The following RALGAPA2 variants were observed in gnomAD, a reference collection of about 807,000 sequenced individuals.
The protein encoded by RALGAPA2 is Ral GTPase activating protein catalytic subunit alpha 2.
RALGAPA2 carries 139 observed loss-of-function variants against 230.4 expected under a neutral mutation model. That is an observed-to-expected ratio of 0.60 (90% CI 0.53 to 0.69). RALGAPA2 has a LOEUF of 0.69. Ranked by LOEUF, RALGAPA2 falls within the 30% of genes least tolerant of loss-of-function variation. The pLI, the probability that RALGAPA2 is intolerant of heterozygous loss-of-function variation, is 0.00. For missense variants in RALGAPA2, 2,163 were observed against 2,276.0 expected (o/e 0.95, Z 1.01); for synonymous variants, 847 against 837.8 (o/e 1.01, Z -0.19).
At chr20:20,635,199 T>G (rs1456249311) in intron 9 of RALGAPA2, among the ~76,000 whole-genome samples, 6 of 152,148 alleles carry the variant, frequency 3.9e-5, no homozygotes, top group Non-Finnish European at 8.8e-5. Context: ...CTCCCGAGAT[T>G]GCATCATCAT....
At chr20:20,647,091 T>C (rs541904099) in intron 4 of RALGAPA2, among the ~76,000 whole-genome samples, 124 of 152,316 alleles carry the variant, frequency 8.1e-4, no homozygotes, top group South Asian at 1.9e-3. Context: ...TCATTTTAGA[T>C]TGTAAGAATT....
Position 20,640,757 on chromosome 20 carries a change from G to C in RALGAPA2, c.494C>G (p.Ser165Cys). ...TGTCTCCAGTGTGCAAGGGCCCCTGGATGACATGACTGCTGGGAAACCAGG... is the reference window on the plus strand; with the variant it reads ...TGTCTCCAGTGTGCAAGGGCCCCTGCATGACATGACTGCTGGGAAACCAGG... ...LVPGFPAVMS[S>C]RGPCTLETLI... Residue 165 changes from serine (S) to cysteine (C), a missense_variant, in exon 6 of 40, where the codon TCC (serine) becomes TGC (cysteine). Coordinates refer to ENST00000202677, the MANE Select transcript of RALGAPA2 (RefSeq NM_020343.4). 6.2e-7 allele frequency: 1 copy of C among 1,613,964 alleles called. No individual in the cohort carries two copies. Among genetic ancestry groups the C allele is most frequent in the Non-Finnish European group, 8.5e-7 (1 of 1,179,854 alleles).
intron 35 of RALGAPA2, 37 bp from the exon 36 acceptor site, chr20:20,495,312 A>G: frequency 1.4e-6 from 2 of 1,457,102 alleles, no homozygotes; most frequent in Non-Finnish European, 1.8e-6. Context: ...AATCAGGGTG[A>G]TAACAGCAGT....
chr20:20,459,363 T>C (rs527438179), intron 37 of RALGAPA2, among the ~76,000 whole-genome samples: 2 of 152,266 alleles, frequency 1.3e-5, no homozygotes, highest in East Asian at 1.9e-4. Context: ...GCAGAACTTG[T>C]ACATACTTTA....
At chr20:20,641,931 C>T (rs2067043200) in intron 5 of RALGAPA2, among the ~76,000 whole-genome samples, 1 of 151,600 alleles carries the variant, frequency 6.6e-6, no homozygotes. Context: ...AGGACAGACA[C>T]CCCAGCTGGT....
intron 23 of RALGAPA2, among the ~76,000 whole-genome samples, chr20:20,547,418 G>A (rs1032151547): frequency 6.6e-6 from 1 of 152,214 alleles, no homozygotes; most frequent in African/African-American, 2.4e-5. Context: ...TGCAACAGTA[G>A]CCTTTTGCAC....
intron 1 of RALGAPA2, among the ~76,000 whole-genome samples, chr20:20,681,657 C>T (rs772124111): frequency 1.3e-5 from 2 of 152,148 alleles, no homozygotes; most frequent in Non-Finnish European, 2.9e-5. Flanking sequence ...AAGGAGTTGG[C>T]ACTTTGGGAG....
intron 27 of RALGAPA2, among the ~76,000 whole-genome samples, chr20:20,527,473 C>T (rs2063241245): frequency 1.3e-5 from 2 of 152,142 alleles, no homozygotes; most frequent in Non-Finnish European, 2.9e-5. Context: ...ATGGCCTTTG[C>T]ACCTGCTCCT....
chr20:20,658,224 CACA>C (rs1415855655), intron 3 of RALGAPA2, among the ~76,000 whole-genome samples: 7 of 152,180 alleles, frequency 4.6e-5, no homozygotes, highest in African/African-American at 1.7e-4. Flanking sequence ...CAAAATCTTA[CACA>C]ACAAGTCAAA....
rs2064910697 is a variant in RALGAPA2 at position 20,579,198 on chromosome 20, TG to T, written c.2707+3851del. ...TAAAAGAGATTTTGAAATTGTCTTA[TG>T]TATTATTTCTAAAAAATTAAAATTT... On this transcript the variant is annotated intron_variant, in intron 20 of 39. Coordinates refer to ENST00000202677, the MANE Select transcript of RALGAPA2 (RefSeq NM_020343.4). Among the ~76,000 whole-genome samples the T allele has an allele frequency of 5.3e-5, 8 of 152,330 alleles. No individual in the cohort carries two copies. The South Asian group carries it at 1.7e-3, about 32-fold the overall frequency.
chr20:20,479,784 G>C (rs2061731353), intron 36 of RALGAPA2, among the ~76,000 whole-genome samples: 1 of 152,154 alleles, frequency 6.6e-6, no homozygotes, highest in Non-Finnish European at 1.5e-5. Context: ...ATACAGTAAT[G>C]CAAGACACAA....
chr20:20,531,556 C>T, intron 27 of RALGAPA2, 131 bp downstream of exon 27: 1 of 830,038 alleles, frequency 1.2e-6, no homozygotes, highest in South Asian at 1.6e-5. Context: ...GGGAGCCTCA[C>T]AGCACATGCA....
chr20:20,622,244 A>G (rs529858029), intron 10 of RALGAPA2, among the ~76,000 whole-genome samples: 3 of 152,200 alleles, frequency 2.0e-5, no homozygotes, highest in Non-Finnish European at 4.4e-5. Flanking sequence ...AGGTTATCCA[A>G]TGAATGACTG....
intron 38 of RALGAPA2, among the ~76,000 whole-genome samples, chr20:20,408,633 G>A (rs2122738296): frequency 6.6e-6 from 1 of 152,238 alleles, no homozygotes; most frequent in South Asian, 2.1e-4. Context: ...AGCAGTCGAG[G>A]GTGCCCATTC....
intron 27 of RALGAPA2, among the ~76,000 whole-genome samples, chr20:20,528,559 C>T (rs939386153): frequency 1.3e-5 from 2 of 152,106 alleles, no homozygotes; most frequent in Admixed American, 1.3e-4. Flanking sequence ...TCTCAGAAGA[C>T]GAGGTGGGAG....
chr20:20,418,269 C>T (rs2060206176), intron 37 of RALGAPA2, among the ~76,000 whole-genome samples: 1 of 152,186 alleles, frequency 6.6e-6, no homozygotes, highest in Non-Finnish European at 1.5e-5. Flanking sequence ...CATTAATGAT[C>T]AGGGATTATG....
chr20:20,414,377 G>A (rs1473635805), intron 37 of RALGAPA2, among the ~76,000 whole-genome samples: 1 of 152,194 alleles, frequency 6.6e-6, no homozygotes, highest in Non-Finnish European at 1.5e-5. Context: ...CAGTGCTTGG[G>A]ACAATGGTGA....
At chr20:20,710,340 C>T (rs1319128915) in intron 1 of RALGAPA2, among the ~76,000 whole-genome samples, 2 of 152,084 alleles carry the variant, frequency 1.3e-5, no homozygotes, top group South Asian at 2.1e-4. Flanking sequence ...GACTTTTTTT[C>T]GAGTAGCAAT....
chr20:20,639,148 G>A (rs922141752), intron 7 of RALGAPA2, among the ~76,000 whole-genome samples: 1 of 152,168 alleles, frequency 6.6e-6, no homozygotes, highest in African/African-American at 2.4e-5. Flanking sequence ...CATGAATGAG[G>A]ATGTGAACTC....
Sources: allele counts gnomAD v4.1 joint callset (sites outside exome capture counted in the v4.1 genomes callset), GRCh38; gene constraint gnomAD v4.1.1; transcripts MANE v1.5; gene names NCBI Gene and HGNC (gene_info 2026-07-23, HGNC 2026-07-21).